LYPD6B: variants seen among roughly 807,000 people sequenced by gnomAD.
The protein encoded by LYPD6B is LY6/PLAUR domain containing 6B.
A neutral mutation model predicts 22.8 loss-of-function variants in LYPD6B; 17 were observed. The ratio of observed to expected loss-of-function variants is 0.75; its 90% CI spans 0.51 to 1.12. The LOEUF (loss-of-function observed/expected upper bound fraction) is 1.12. Ranked by LOEUF, LYPD6B falls within the 50% of genes most tolerant of loss-of-function variation. The probability of loss-of-function intolerance (pLI) is 0.00; values close to 1 mark genes in which losing one functional copy is unlikely to be tolerated. For synonymous variants in LYPD6B, 106 were observed against 91.6 expected (o/e 1.16, Z -0.90); for missense variants, 221 against 258.3 (o/e 0.86, Z 0.99).
At chr2:149,059,659 A>C (rs770781487) in intron 1 of LYPD6B, among the ~76,000 whole-genome samples, 2 of 152,152 alleles carry the variant, frequency 1.3e-5, no homozygotes, top group Non-Finnish European at 2.9e-5. Flanking sequence ...CTGCATTCTC[A>C]CTATGGGAGC....
intron 2 of LYPD6B, among the ~76,000 whole-genome samples, chr2:149,149,568 C>T (rs1434887508): frequency 6.6e-6 from 1 of 152,140 alleles, no homozygotes; most frequent in Non-Finnish European, 1.5e-5. Context: ...GAAGTACCTG[C>T]CTTTGAGGAA....
chr2:149,098,551 T>G (rs940589418), intron 1 of LYPD6B, among the ~76,000 whole-genome samples: 2 of 145,874 alleles, frequency 1.4e-5, no homozygotes, highest in African/African-American at 2.6e-5. Flanking sequence ...CGCTTGAACC[T>G]GGGAGGTGGA....
intron 2 of LYPD6B, among the ~76,000 whole-genome samples, chr2:149,147,914 G>T (rs1689135009): frequency 6.6e-6 from 1 of 151,270 alleles, no homozygotes; most frequent in African/African-American, 2.4e-5. Context: ...GCCTGTGTGT[G>T]TGTGTGTGTG....
intron 3 of LYPD6B, among the ~76,000 whole-genome samples, chr2:149,165,276 A>G (rs542140076): frequency 7.9e-5 from 12 of 152,314 alleles, no homozygotes; most frequent in Admixed American, 3.3e-4. Flanking sequence ...AAAGAAAGCT[A>G]TAGGACCAGC....
chr2:149,099,464 C>CCTTGGTCCCCTCGTACCTAGGATT, intron 1 of LYPD6B, among the ~76,000 whole-genome samples: 1 of 151,994 alleles, frequency 6.6e-6, no homozygotes, highest in Admixed American at 6.6e-5. Flanking sequence ...TACCTAGGAT[C>CCTTGGTCCCCTCGTACCTAGGATT]CTTGGTCCCC....
intron 2 of LYPD6B, chr2:149,154,120 C>G: frequency 3.3e-6 from 2 of 608,892 alleles, no homozygotes; most frequent in Non-Finnish European, 4.0e-6. Context: ...TTTCCCCCAT[C>G]CCCCCACCCC....
chr2:149,096,712 CT>C lies in LYPD6B; in HGVS notation c.-66-34166del, dbSNP rs541342066. ...TGATTTTTTTTCTCTTCTTAGTTGTCTTTTTCCTAAGCTTACTTTCTGCAGG... is the reference window on the plus strand; with the variant it reads ...TGATTTTTTTTCTCTTCTTAGTTGTCTTTTCCTAAGCTTACTTTCTGCAGG... On this transcript the variant is annotated intron_variant, in intron 1 of 6. Coordinates refer to ENST00000409642, the MANE Select transcript of LYPD6B (RefSeq NM_177964.5). Among the ~76,000 whole-genome samples the C allele has an allele frequency of 3.9e-4, 60 of 152,178 alleles. 1 individual carries two copies. In the East Asian group the frequency reaches 0.011, roughly 29 times the overall value.
chr2:149,175,271 C>G (rs933164995), intron 3 of LYPD6B, among the ~76,000 whole-genome samples: 1 of 152,110 alleles, frequency 6.6e-6, no homozygotes, highest in Non-Finnish European at 1.5e-5. Context: ...TGTTACTCTA[C>G]TGAATACTGT....
intron 1 of LYPD6B, among the ~76,000 whole-genome samples, chr2:149,102,569 G>A (rs1011265568): frequency 2.0e-5 from 3 of 152,114 alleles, no homozygotes; most frequent in Non-Finnish European, 4.4e-5. Context: ...AGGGAGGGCA[G>A]CTATTTGGAA....
chr2:149,077,679 T>A (rs1458838995), intron 1 of LYPD6B: 1 of 152,212 alleles, frequency 6.6e-6, no homozygotes, highest in African/African-American at 2.4e-5. Context: ...CACATACAGT[T>A]ATAATTGCCC....
At chr2:149,146,605 G>A (rs1043486756) in intron 2 of LYPD6B, among the ~76,000 whole-genome samples, 4 of 152,000 alleles carry the variant, frequency 2.6e-5, no homozygotes, top group Non-Finnish European at 1.5e-5. Context: ...TCAGGTTAGG[G>A]GTCATTTGGG....
chr2:149,161,003 G>T (rs1471503467), intron 3 of LYPD6B, among the ~76,000 whole-genome samples, 168 bp downstream of exon 3: 1 of 152,188 alleles, frequency 6.6e-6, no homozygotes, highest in Non-Finnish European at 1.5e-5. Context: ...TGATCCTGCG[G>T]TTTGGAAGCC....
chr2:149,135,235 ACT>A (rs1559022529), intron 2 of LYPD6B, among the ~76,000 whole-genome samples: 2 of 143,718 alleles, frequency 1.4e-5, no homozygotes, highest in African/African-American at 2.6e-5. Flanking sequence ...ACAGAGCAAG[ACT>A]CTGTCTCAAA....
At chr2:149,157,071 G>T (rs1192179019) in intron 2 of LYPD6B, among the ~76,000 whole-genome samples, 1 of 152,138 alleles carries the variant, frequency 6.6e-6, no homozygotes, top group African/African-American at 2.4e-5. Context: ...CTGATGTCCT[G>T]AGATGGGGTA....
chr2:149,051,681 T>G (rs1011656006), intron 1 of LYPD6B, among the ~76,000 whole-genome samples: 15 of 152,114 alleles, frequency 9.9e-5, no homozygotes, highest in African/African-American at 3.4e-4. Context: ...ATTATTTATT[T>G]TTGAGATGGA....
chr2:149,100,416 CAAAAAAA>C (rs58068035), intron 1 of LYPD6B, among the ~76,000 whole-genome samples: 5 of 67,964 alleles, frequency 7.4e-5, no homozygotes, highest in Non-Finnish European at 1.0e-4. Context: ...TTGGCTTTGA[CAAAAAAA>C]AAAAAAAAAA....
intron 1 of LYPD6B, among the ~76,000 whole-genome samples, chr2:149,080,872 AC>A (rs67161923): frequency 0.068 from 4,507 of 66,740 alleles, 501 homozygotes; most frequent in African/African-American, 0.14. Context: ...AAAAAACCAC[AC>A]AAAAAAATTC....
chr2:149,073,836 T>C (rs532777739), intron 1 of LYPD6B, among the ~76,000 whole-genome samples: 1 of 151,858 alleles, frequency 6.6e-6, no homozygotes, highest in East Asian at 2.0e-4. Context: ...TCCTCTGAGT[T>C]ACAAGCAGAA....
intron 5 of LYPD6B, among the ~76,000 whole-genome samples, chr2:149,211,101 G>T (rs7585089): frequency 6.6e-6 from 1 of 151,918 alleles, no homozygotes; most frequent in Non-Finnish European, 1.5e-5. Flanking sequence ...AAGAAAGAGA[G>T]GGGGGAGGTG....
Sources: allele counts gnomAD v4.1 joint callset (sites outside exome capture counted in the v4.1 genomes callset), GRCh38; gene constraint gnomAD v4.1.1; transcripts MANE v1.5; gene names NCBI Gene and HGNC (gene_info 2026-07-23, HGNC 2026-07-21).